The following HMGXB4 variants were observed in gnomAD, a reference collection of about 807,000 sequenced individuals.
HMGXB4 encodes HMG-box containing 4.
In HMGXB4, 27 loss-of-function variants were observed where a neutral mutation model predicts 63.9. That is an observed-to-expected ratio of 0.42 (90% CI 0.31 to 0.58). The LOEUF (loss-of-function observed/expected upper bound fraction) is 0.58. HMGXB4 is among the 20% of genes least tolerant of loss of function. The pLI is 0.13. For missense variants in HMGXB4, 624 were observed against 700.7 expected, an observed-to-expected ratio of 0.89 and a Z score of 1.24; for synonymous variants, 264 against 265.3, an observed-to-expected ratio of 0.99 and a Z score of 0.05.
At position 35,283,789 on chromosome 22, in the gene HMGXB4, C is replaced by CA. The variant is rs368603452; in HGVS notation, c.1216-167dup. Among the ~76,000 whole-genome samples, 645 of 109,936 alleles carry CA rather than the reference C, an allele frequency of 5.9e-3. 6 individuals carry two copies. Among genetic ancestry groups the CA allele is most frequent in the African/African-American group, 0.015 (596 of 40,040 alleles). The allele number at this position is 109,936 out of a possible 152,430, so 72.1% of individuals were successfully genotyped here. On this transcript the variant is annotated intron_variant, in intron 5 of 10. Coordinates refer to ENST00000216106, the MANE Select transcript of HMGXB4 (RefSeq NM_001003681.3). ...TGGGCGACAGAGTGAGACTGTATCT[C>CA]AAAAAATATATATATATATATTATC...
the HMGXB4 span, among the ~76,000 whole-genome samples, chr22:35,242,290 TC>T: frequency 1.8e-4 from 28 of 152,318 alleles, no homozygotes; most frequent in African/African-American, 6.3e-4. Context: ...GAAGAATTGA[TC>T]CATTTCATCT....
At chr22:35,262,285 T>G in intron 1 of HMGXB4, 38 bp from the exon 2 acceptor site, 1 of 1,157,544 alleles carries the variant, frequency 8.6e-7, no homozygotes, top group South Asian at 1.2e-5. Context: ...CCTCAGTGAT[T>G]TCGCATTACA....
chr22:35,292,506 T>C (rs1260858650), intron 9 of HMGXB4, among the ~76,000 whole-genome samples: 1 of 152,204 alleles, frequency 6.6e-6, no homozygotes, highest in Non-Finnish European at 1.5e-5. Context: ...ATGTTAAAAT[T>C]TGAACCAAAT....
At position 35,275,539 on chromosome 22, in the gene HMGXB4, A is replaced by G. The variant is rs535826557; in HGVS notation, c.1216-8423A>G. On this transcript the variant is annotated intron_variant, in intron 5 of 10. Coordinates refer to ENST00000216106, the MANE Select transcript of HMGXB4 (RefSeq NM_001003681.3). ...ATTTTCATCAGGTTCTTACAGTTCT[A>G]TGACCCAAAAAAGTTAAGCAGGACA... Among the ~76,000 whole-genome samples the G allele has an allele frequency of 9.8e-5, 15 of 152,336 alleles. No homozygotes were observed. The South Asian group carries it at 2.5e-3, about 25-fold the overall frequency.
the HMGXB4 span, among the ~76,000 whole-genome samples, chr22:35,244,322 C>T: frequency 2.2e-5 from 3 of 136,426 alleles, no homozygotes; most frequent in Non-Finnish European, 4.6e-5. Flanking sequence ...GAGACGGAGT[C>T]TTGCTCTGTC....
chr22:35,273,592 T>G (rs1923735915), intron 5 of HMGXB4, among the ~76,000 whole-genome samples: 1 of 152,234 alleles, frequency 6.6e-6, no homozygotes, highest in Non-Finnish European at 1.5e-5. Flanking sequence ...GAAAACATCT[T>G]TTTAAAATTT....
chr22:35,263,010 C>A, intron 2 of HMGXB4, 68 bp from the exon 3 acceptor site: 2 of 1,413,914 alleles, frequency 1.4e-6, no homozygotes, highest in Non-Finnish European at 9.9e-7. Flanking sequence ...GCATTACCTG[C>A]ATGACGATTT....
the HMGXB4 span, among the ~76,000 whole-genome samples, chr22:35,245,141 G>A: frequency 6.6e-6 from 1 of 152,000 alleles, no homozygotes; most frequent in Non-Finnish European, 1.5e-5. Context: ...CAAAATGCGG[G>A]GACTACAGCT....
chr22:35,257,771 G>A (rs1016787065), intron 1 of HMGXB4, among the ~76,000 whole-genome samples: 5 of 152,260 alleles, frequency 3.3e-5, no homozygotes, highest in African/African-American at 1.2e-4. Flanking sequence ...AAGGAGGAGG[G>A]CGGGCGGGAG....
intron 5 of HMGXB4, 151 bp from the exon 6 acceptor site, chr22:35,283,811 T>A (rs1233533582): frequency 4.5e-6 from 2 of 448,744 alleles, no homozygotes; most frequent in Non-Finnish European, 8.1e-6. Context: ...ATATATATAT[T>A]ATCCTGTTTA....
At chr22:35,264,093 C>G in intron 4 of HMGXB4, 1 of 1,516,446 alleles carries the variant, frequency 6.6e-7, no homozygotes. Flanking sequence ...TTGTGATACA[C>G]CAGGTACCAG....
At chr22:35,285,945 T>G in intron 6 of HMGXB4, 52 bp from the exon 7 acceptor site, 1 of 1,330,928 alleles carries the variant, frequency 7.5e-7, no homozygotes, top group Non-Finnish European at 1.0e-6. Context: ...ATCTTCTATT[T>G]TGTTAATAGC....
chr22:35,248,655 T>C, the HMGXB4 span, among the ~76,000 whole-genome samples: 6 of 152,178 alleles, frequency 3.9e-5, no homozygotes, highest in South Asian at 6.2e-4. Flanking sequence ...TCCACCCACC[T>C]TGGCCTCCCA....
chr22:35,263,313 T>C (rs1379091745), intron 3 of HMGXB4, 87 bp downstream of exon 3: 15 of 1,102,586 alleles, frequency 1.4e-5, no homozygotes, highest in South Asian at 3.2e-5. Flanking sequence ...TTTTTTTTTT[T>C]TCTCTCATGG....
the HMGXB4 span, among the ~76,000 whole-genome samples, chr22:35,248,544 A>G: frequency 6.6e-6 from 1 of 151,628 alleles, no homozygotes; most frequent in Admixed American, 6.6e-5. Context: ...AGCTGGGACT[A>G]CAGGCGCTCG....
chr22:35,290,168 G>C (rs73883599), intron 9 of HMGXB4, among the ~76,000 whole-genome samples: 4 of 152,172 alleles, frequency 2.6e-5, no homozygotes, highest in Non-Finnish European at 5.9e-5. Context: ...CTTACGTTTC[G>C]TAAGAAGTTA....
rs1436402541 is a variant in HMGXB4, at chr22:35,293,192, C to T, written c.1761+78C>T. On this transcript the variant is annotated intron_variant, in intron 10 of 10. Coordinates refer to ENST00000216106, the MANE Select transcript of HMGXB4 (RefSeq NM_001003681.3). ...CTGCCTTAATGAGCACTGTCAGACA[C>T]ACATAAGGCTTTGTGACACACAGTG... The T allele has an allele frequency of 4.6e-6, 7 of 1,518,048 alleles. No homozygotes were observed. The East Asian group carries it at 9.0e-5, about 20-fold the overall frequency. 94.0% of individuals were successfully genotyped at this position (1,518,048 alleles called of 1,614,324 possible).
At chr22:35,283,257 T>G (rs1488161415) in intron 5 of HMGXB4, among the ~76,000 whole-genome samples, 3 of 152,234 alleles carry the variant, frequency 2.0e-5, no homozygotes, top group Admixed American at 2.0e-4. Context: ...ATTTGGCTTT[T>G]GGGTTTCTGG....
At chr22:35,291,917 T>G (rs956973752) in intron 9 of HMGXB4, among the ~76,000 whole-genome samples, 6 of 152,100 alleles carry the variant, frequency 3.9e-5, no homozygotes, top group Admixed American at 1.3e-4. Context: ...GGGGAGATGT[T>G]GACAAGGAGG....
Sources: allele counts gnomAD v4.1 joint callset (sites outside exome capture counted in the v4.1 genomes callset), GRCh38; gene constraint gnomAD v4.1.1; transcripts MANE v1.5; gene names NCBI Gene and HGNC (gene_info 2026-07-23, HGNC 2026-07-21).